COX16: variants seen among roughly 807,000 people sequenced by gnomAD.
COX16 encodes cytochrome c oxidase assembly protein COX16 homolog, mitochondrial.
A neutral mutation model predicts 15.4 loss-of-function variants in COX16; 12 were observed. That is an observed-to-expected ratio of 0.78 (90% CI 0.50 to 1.26). COX16 has a LOEUF of 1.26. Among genes scored for constraint, COX16 ranks in the 50% most tolerant of loss-of-function variants. COX16 has a pLI of 0.00. For missense variants in COX16, 124 were observed against 127.6 expected (o/e 0.97, Z 0.14); for synonymous variants, 46 against 41.1 (o/e 1.12, Z -0.46).
chr14:70,342,129 T>C (rs1326592168), intron 2 of COX16, among the ~76,000 whole-genome samples: 2 of 152,156 alleles, frequency 1.3e-5, no homozygotes, highest in African/African-American at 4.8e-5. Flanking sequence ...CTAACAACAT[T>C]GCAAATTTCC....
chr14:70,342,156 A>AT (rs1886643385), intron 2 of COX16, among the ~76,000 whole-genome samples: 2 of 152,198 alleles, frequency 1.3e-5, no homozygotes, highest in African/African-American at 4.8e-5. Flanking sequence ...AATAAGAAAG[A>AT]TTACTAGACT....
At chr14:70,356,475 T>G (rs997232039) in intron 1 of COX16, among the ~76,000 whole-genome samples, 1 of 151,990 alleles carries the variant, frequency 6.6e-6, no homozygotes, top group Non-Finnish European at 1.5e-5. Flanking sequence ...GGCCCAGGGG[T>G]TGAGGACCCC....
chr14:70,336,417 T>C (rs372167530), intron 2 of COX16, among the ~76,000 whole-genome samples: 10 of 152,340 alleles, frequency 6.6e-5, no homozygotes, highest in East Asian at 3.9e-4. Context: ...TGGTGGTTAC[T>C]TGGGTTTTCA....
At position 70,336,780 on chromosome 14, in the gene COX16, T is replaced by C. The variant is rs142688031; in HGVS notation, c.141+5878A>G. Among the ~76,000 whole-genome samples the C allele has an allele frequency of 5.6e-3, 847 of 152,332 alleles. 8 individuals are homozygous for C. The highest frequency in any genetic ancestry group is 0.019 in the African/African-American group (785 of 41,574). ...CATACATTAAAATCAAACCTCTACCTAAGATGCTACTCTATTGTATAATGC... is the reference window on the plus strand; with the variant it reads ...CATACATTAAAATCAAACCTCTACCCAAGATGCTACTCTATTGTATAATGC... On this transcript the variant is annotated intron_variant, in intron 2 of 3. Transcript: ENST00000389912.
At chr14:70,337,273 T>A (rs1294629258) in intron 2 of COX16, among the ~76,000 whole-genome samples, 1 of 152,108 alleles carries the variant, frequency 6.6e-6, no homozygotes, top group Non-Finnish European at 1.5e-5. Context: ...ACATTATTTA[T>A]AAACAACTAT....
chr14:70,340,164 T>A (rs1886582046), intron 2 of COX16, among the ~76,000 whole-genome samples: 2 of 152,166 alleles, frequency 1.3e-5, no homozygotes, highest in African/African-American at 4.8e-5. Context: ...GTTTCCCCCA[T>A]GCTAGTCTCA....
At chr14:70,331,049 C>T (rs959970839) in intron 2 of COX16, among the ~76,000 whole-genome samples, 2 of 152,120 alleles carry the variant, frequency 1.3e-5, no homozygotes, top group African/African-American at 4.8e-5. Context: ...CTCACTGTCA[C>T]CAGGCTGGAA....
chr14:70,354,084 G>A (rs943866621), intron 1 of COX16, among the ~76,000 whole-genome samples: 2 of 151,798 alleles, frequency 1.3e-5, no homozygotes, highest in Non-Finnish European at 2.9e-5. Flanking sequence ...GGCTGAGGTG[G>A]GAGAATCACT....
At chr14:70,327,263 C>CTATATAACCTTT (rs1886111440) in intron 3 of COX16, among the ~76,000 whole-genome samples, 2 of 152,132 alleles carry the variant, frequency 1.3e-5, no homozygotes, top group Admixed American at 1.3e-4. Flanking sequence ...TACTAACTAG[C>CTATATAACCTTT]TATATAACCT....
chr14:70,337,314 G>T (rs1002542290), intron 2 of COX16, among the ~76,000 whole-genome samples: 2 of 151,994 alleles, frequency 1.3e-5, no homozygotes. Context: ...TTTTCCTCCA[G>T]GAAAGGCTTA....
intron 1 of COX16, among the ~76,000 whole-genome samples, chr14:70,349,614 A>T (rs1390294134): frequency 1.3e-5 from 2 of 152,114 alleles, no homozygotes; most frequent in Non-Finnish European, 2.9e-5. Context: ...AGCCCAACTC[A>T]CCAAGCTGGC....
At chr14:70,334,702 C>T (rs577538319) in intron 2 of COX16, among the ~76,000 whole-genome samples, 5 of 151,938 alleles carry the variant, frequency 3.3e-5, no homozygotes, top group African/African-American at 1.2e-4. Context: ...AGCAAAAATC[C>T]GTAACAGATA....
intron 3 of COX16, among the ~76,000 whole-genome samples, chr14:70,327,980 CCTTT>C (rs1436650587): frequency 1.3e-5 from 2 of 151,582 alleles, no homozygotes; most frequent in Non-Finnish European, 1.5e-5. Flanking sequence ...AGAGTGGAGA[CCTTT>C]CTTTTAACAT....
rs552969446 is a variant in COX16, at chr14:70,346,535, T to C, written c.70-3806A>G. ...GCCCCTGCAAGGGCGGCCCCATCAC[T>C]TCCTAAGCCGGCCAAAACCTCCTAC... On this transcript the variant is annotated intron_variant, in intron 1 of 3. Coordinates refer to ENST00000389912, the MANE Select transcript of COX16 (RefSeq NM_016468.7). 2.0e-5 allele frequency among the ~76,000 whole-genome samples: 3 copies of C among 152,300 alleles called. No homozygotes were observed. The South Asian group carries it at 6.2e-4, about 32-fold the overall frequency.
rs145397708 is a variant in COX16, at chr14:70,359,127, T to C, written c.69+392A>G. ...ATCCACAGTATCGTCAAAACATAGC[T>C]AAGTTGGGGGCGAGGAAGCAAGCTT... On this transcript the variant is annotated intron_variant, in intron 1 of 3. Transcript: ENST00000389912. 38 of 456,652 alleles carry C rather than the reference T, an allele frequency of 8.3e-5. No homozygotes were observed. The East Asian group carries it at 2.3e-3, about 28-fold the overall frequency. 28.3% of individuals were successfully genotyped at this position (456,652 alleles called of 1,614,324 possible).
intron 3 of COX16, among the ~76,000 whole-genome samples, chr14:70,327,193 C>T (rs1886108488): frequency 6.6e-6 from 1 of 152,082 alleles, no homozygotes; most frequent in Non-Finnish European, 1.5e-5. Context: ...AGCTTATATC[C>T]AGAGACAGGG....
chr14:70,338,107 G>A (rs1234658606), intron 2 of COX16, among the ~76,000 whole-genome samples: 1 of 152,122 alleles, frequency 6.6e-6, no homozygotes, highest in Non-Finnish European at 1.5e-5. Context: ...AAGATAATTT[G>A]GCTTTTTGGG....
intron 2 of COX16, among the ~76,000 whole-genome samples, chr14:70,330,202 C>T (rs1233233599): frequency 6.6e-6 from 1 of 151,908 alleles, no homozygotes; most frequent in Admixed American, 6.6e-5. Context: ...ATGAAAAGGT[C>T]AACAGCACAA....
chr14:70,326,534 A>G, intron 3 of COX16, 85 bp from the exon 4 acceptor site: 2 of 1,013,608 alleles, frequency 2.0e-6, no homozygotes, highest in African/African-American at 3.4e-5. Context: ...CAATGAATAA[A>G]TGAGTAGAAA....
Sources: allele counts gnomAD v4.1 joint callset (sites outside exome capture counted in the v4.1 genomes callset), GRCh38; gene constraint gnomAD v4.1.1; transcripts MANE v1.5; gene names NCBI Gene and HGNC (gene_info 2026-07-23, HGNC 2026-07-21).